CYFIP1: variants seen among roughly 807,000 people sequenced by gnomAD.
CYFIP1 encodes cytoplasmic FMR1-interacting protein 1.
A neutral mutation model predicts 163.5 loss-of-function variants in CYFIP1; 58 were observed. The ratio of observed to expected loss-of-function variants is 0.35; its 90% CI spans 0.29 to 0.44. The LOEUF (loss-of-function observed/expected upper bound fraction) is 0.44. Among genes scored for constraint, CYFIP1 ranks in the 20% least tolerant of loss-of-function variants. The pLI is 1.00. For synonymous variants in CYFIP1, 663 were observed against 660.7 expected, an observed-to-expected ratio of 1.00 and a Z score of -0.05; for missense variants, 1,338 against 1,653.8, an observed-to-expected ratio of 0.81 and a Z score of 3.31.
intron 13 of CYFIP1, among the ~76,000 whole-genome samples, chr15:22,925,344 A>C (rs1006657807): frequency 6.6e-6 from 1 of 152,180 alleles, no homozygotes; most frequent in Non-Finnish European, 1.5e-5. Flanking sequence ...TGGGATACCG[A>C]CAGCAACTGA....
chr15:22,869,957 T>TA lies in CYFIP1; in HGVS notation c.*70dup. 2 of 1,418,082 alleles carry TA rather than the reference T, an allele frequency of 1.4e-6. No homozygotes were observed. Among genetic ancestry groups the TA allele is most frequent in the Non-Finnish European group, 1.9e-6 (2 of 1,075,154 alleles). The allele number at this position is 1,418,082 out of a possible 1,614,324, so 87.8% of individuals were successfully genotyped here. ...TACAGAGATACTGAAAAATAGTCCC[T>TA]AAAAATCTCACTAAATAGTTTACGG... On this transcript the variant is annotated 3_prime_UTR_variant, in exon 31 of 31. Coordinates refer to ENST00000617928, the MANE Select transcript of CYFIP1 (RefSeq NM_014608.6).
chr15:22,940,317 C>G (rs894550992), intron 6 of CYFIP1, among the ~76,000 whole-genome samples: 2 of 152,208 alleles, frequency 1.3e-5, no homozygotes, highest in African/African-American at 4.8e-5. Flanking sequence ...GTGGAACACA[C>G]ATTCCAGGGA....
intron 25 of CYFIP1, among the ~76,000 whole-genome samples, chr15:22,880,527 G>T (rs1485257174): frequency 6.6e-6 from 1 of 152,194 alleles, no homozygotes; most frequent in Admixed American, 6.5e-5. Context: ...GCGTCTCAAC[G>T]GCATCCCGGA....
chr15:22,953,535 C>T lies in CYFIP1; in HGVS notation c.-6-6244G>A, dbSNP rs949901080. Among the ~76,000 whole-genome samples, 9 of 152,236 alleles carry T rather than the reference C, an allele frequency of 5.9e-5. No homozygotes were observed. In the East Asian group the frequency reaches 1.7e-3, roughly 29 times the overall value. On this transcript the variant is annotated intron_variant, in intron 1 of 30. Coordinates refer to ENST00000617928, the MANE Select transcript of CYFIP1 (RefSeq NM_014608.6). Reference sequence around the variant, plus strand: ...CAGCATCCAGCACAGCCTCTAGTCTCCTTCTGTGTCTAAGAAGCCCCCATT... The same window carrying T: ...CAGCATCCAGCACAGCCTCTAGTCTTCTTCTGTGTCTAAGAAGCCCCCATT...
intron 13 of CYFIP1, among the ~76,000 whole-genome samples, chr15:22,924,603 A>G (rs894849076): frequency 6.6e-6 from 1 of 152,118 alleles, no homozygotes; most frequent in Non-Finnish European, 1.5e-5. Flanking sequence ...AGGGTGGCTG[A>G]TAATGGGCTG....
chr15:22,964,825 C>T (rs1186989226), intron 1 of CYFIP1, among the ~76,000 whole-genome samples: 2 of 152,168 alleles, frequency 1.3e-5, no homozygotes, highest in African/African-American at 4.8e-5. Flanking sequence ...ACCCCAGCCC[C>T]GTCTGCCTGC....
At chr15:22,870,292 T>C in intron 30 of CYFIP1, 100 bp from the exon 31 acceptor site, 1 of 1,414,302 alleles carries the variant, frequency 7.1e-7, no homozygotes. Flanking sequence ...AGAAAAATAA[T>C]AGCAAACGGA....
chr15:22,883,641 C>T (rs993466478), intron 23 of CYFIP1, among the ~76,000 whole-genome samples: 2 of 152,048 alleles, frequency 1.3e-5, no homozygotes, highest in African/African-American at 2.4e-5. Flanking sequence ...CACGGTGAAA[C>T]CCCGTCTCTA....
chr15:22,932,176 A>C, intron 11 of CYFIP1, 47 bp downstream of exon 11: 1 of 1,425,076 alleles, frequency 7.0e-7, no homozygotes, highest in Non-Finnish European at 9.7e-7. Flanking sequence ...GCAAACACAC[A>C]CAGGCGACCC....
intron 1 of CYFIP1, among the ~76,000 whole-genome samples, chr15:22,963,560 A>ACATAACATAACATAACATAACAT (rs199915541): frequency 3.4e-5 from 4 of 118,736 alleles, no homozygotes; most frequent in Non-Finnish European, 3.9e-5. Context: ...ATAACATAAG[A>ACATAACATAACATAACATAACAT]AAGAATGAAA....
At chr15:22,979,271 T>C (rs923041788) in intron 1 of CYFIP1, among the ~76,000 whole-genome samples, 1 of 152,150 alleles carries the variant, frequency 6.6e-6, no homozygotes, top group African/African-American at 2.4e-5. Context: ...AAAGGCAGCA[T>C]GCGTGGGGCC....
chr15:22,929,783 AAAAT>A (rs1391383921), intron 11 of CYFIP1, among the ~76,000 whole-genome samples: 23 of 150,332 alleles, frequency 1.5e-4, no homozygotes, highest in African/African-American at 4.9e-4. Context: ...AAAATACAAA[AAAAT>A]TAGCCGGGCG....
Position 22,917,636 on chromosome 15 carries a change from A to C in CYFIP1, c.1674+152T>G, listed in dbSNP as rs1006519022. ...CTCCCAACTCACTTGGGTGGGAAACAGAGGAGCAGCAGAAACCACAGGCGC... is the reference window on the plus strand; with the variant it reads ...CTCCCAACTCACTTGGGTGGGAAACCGAGGAGCAGCAGAAACCACAGGCGC... On this transcript the variant is annotated intron_variant, in intron 15 of 30. Coordinates refer to ENST00000617928, the MANE Select transcript of CYFIP1 (RefSeq NM_014608.6). The surrounding 1 kb of genome is among the most constrained non-coding windows in gnomAD (Gnocchi z 4.2). 18 of 934,318 alleles carry C rather than the reference A, an allele frequency of 1.9e-5. No individual in the cohort carries two copies. Among genetic ancestry groups the C allele is most frequent in the Non-Finnish European group, 2.8e-5 (18 of 652,120 alleles). The allele number at this position is 934,318 out of a possible 1,614,324, so 57.9% of individuals were successfully genotyped here. A position where few individuals can be genotyped will look rare whatever the true frequency, so the allele number is the denominator to read the frequency against.
chr15:22,885,907 C>CA (rs2059915037), intron 23 of CYFIP1, among the ~76,000 whole-genome samples: 1 of 152,120 alleles, frequency 6.6e-6, no homozygotes, highest in Non-Finnish European at 1.5e-5. Flanking sequence ...TCCACTCTAC[C>CA]AGTACCAATT....
intron 23 of CYFIP1, among the ~76,000 whole-genome samples, chr15:22,886,460 C>A (rs758864651): frequency 6.6e-6 from 1 of 152,190 alleles, no homozygotes; most frequent in Non-Finnish European, 1.5e-5. Flanking sequence ...ACTTCTTTAG[C>A]TGTATATATC....
chr15:22,873,406 G>A (rs1566910207), intron 29 of CYFIP1, 85 bp downstream of exon 29: 1 of 1,131,756 alleles, frequency 8.8e-7, no homozygotes, highest in East Asian at 2.4e-5. Context: ...AGCATGGCTG[G>A]CTGCTTGTTA....
intron 23 of CYFIP1, among the ~76,000 whole-genome samples, chr15:22,889,247 T>C (rs2060006168): frequency 1.3e-5 from 2 of 152,162 alleles, no homozygotes; most frequent in South Asian, 4.1e-4. Flanking sequence ...AGCATCAGCT[T>C]TGCAAATGCC....
chr15:22,970,990 C>T lies in CYFIP1; in HGVS notation c.-7+9297G>A, dbSNP rs980659326. On this transcript the variant is annotated intron_variant, in intron 1 of 30. Transcript: ENST00000617928. ...CCTAGAGAGGCTGAGGCAGGAGAAT[C>T]GCTTGAACCCGGGAGGCGGAGCTTG... Among the ~76,000 whole-genome samples, 9 of 151,984 alleles carry T rather than the reference C, an allele frequency of 5.9e-5. 1 individual carries two copies. The highest frequency in any genetic ancestry group is 6.8e-3 in the Middle Eastern group (2 of 294).
chr15:22,952,594 G>A (rs2062290637), intron 1 of CYFIP1, among the ~76,000 whole-genome samples: 1 of 133,668 alleles, frequency 7.5e-6, no homozygotes, highest in Non-Finnish European at 1.5e-5. Context: ...GGCGGAGGTT[G>A]CAGTGAGCTG....
Sources: gnomAD v4.1 joint callset for allele counts (sites outside exome capture counted in the v4.1 genomes callset) on GRCh38, gnomAD v4.1.1 for gene constraint, Gnocchi (gnomAD v3.1) non-coding constraint, MANE v1.5 for transcripts, NCBI Gene and HGNC (gene_info 2026-07-23, HGNC 2026-07-21) for gene names.